THSD7A: variants seen among roughly 807,000 people sequenced by gnomAD.
THSD7A encodes the protein thrombospondin type-1 domain-containing protein 7A.
Under a neutral mutation model 231.3 loss-of-function variants are expected in THSD7A, and 96 were observed. The ratio of observed to expected loss-of-function variants is 0.41; its 90% confidence interval spans 0.35 to 0.49. The LOEUF is 0.49. Among genes scored for constraint, THSD7A ranks in the 20% least tolerant of loss-of-function variants. The pLI, the probability that THSD7A is intolerant of heterozygous loss-of-function variation, is 0.05. For missense variants in THSD7A, 2,290 were observed against 2,070.2 expected (o/e 1.11, Z -2.06); for synonymous variants, 940 against 743.3 (o/e 1.26, Z -4.30).
chr7:11,611,817 C>A (rs1182342961), intron 2 of THSD7A, among the ~76,000 whole-genome samples: 3 of 149,754 alleles, frequency 2.0e-5, no homozygotes, highest in Admixed American at 2.0e-4. Flanking sequence ...CACACACACA[C>A]ACACACACAC....
chr7:11,579,601 G>C lies in THSD7A; in HGVS notation c.1453+10859C>G, dbSNP rs113623249. Reference sequence around the variant, plus strand: ...ACTGCTATGTCTTCTTTCCATCTCAGGTTACAGGTATGAAGTAAGATGAAA... The same window carrying C: ...ACTGCTATGTCTTCTTTCCATCTCACGTTACAGGTATGAAGTAAGATGAAA... On this transcript the variant is annotated intron_variant, in intron 4 of 27. Transcript: ENST00000423059. Among the ~76,000 whole-genome samples, 9 of 152,184 alleles carry C rather than the reference G, an allele frequency of 5.9e-5. 1 individual carries two copies. Among genetic ancestry groups the C allele is most frequent in the African/African-American group, 2.2e-4 (9 of 41,510 alleles).
Position 11,688,807 on chromosome 7 carries a change from T to C in THSD7A, c.191-51846A>G, listed in dbSNP as rs1458720400. 2.0e-4 allele frequency among the ~76,000 whole-genome samples: 30 copies of C among 151,788 alleles called. 1 individual carries two copies. The highest frequency in any genetic ancestry group is 2.0e-3 in the Admixed American group (30 of 15,184). ...ATTGTTGGGCTGCATTTCATCAAGTTCACTACTCTGCACTCATCTTGCATT... is the reference window on the plus strand; with the variant it reads ...ATTGTTGGGCTGCATTTCATCAAGTCCACTACTCTGCACTCATCTTGCATT... On this transcript the variant is annotated intron_variant, in intron 1 of 27. Coordinates refer to ENST00000423059, the MANE Select transcript of THSD7A (RefSeq NM_015204.3).
intron 23 of THSD7A, among the ~76,000 whole-genome samples, chr7:11,395,332 G>A (rs974619255): frequency 1.3e-5 from 2 of 152,122 alleles, no homozygotes; most frequent in African/African-American, 4.8e-5. Context: ...CAAGCCCTTA[G>A]AGACCTACAA....
At chr7:11,519,460 C>G (rs1391132196) in intron 6 of THSD7A, among the ~76,000 whole-genome samples, 1 of 152,190 alleles carries the variant, frequency 6.6e-6, no homozygotes, top group Non-Finnish European at 1.5e-5. Context: ...AGCCATTGGT[C>G]AGAACTATGT....
intron 1 of THSD7A, among the ~76,000 whole-genome samples, chr7:11,798,270 G>C (rs918550861): frequency 3.9e-5 from 6 of 152,082 alleles, no homozygotes; most frequent in African/African-American, 1.2e-4. Context: ...AAGAGTTCAA[G>C]ACCAGCCTGG....
At chr7:11,394,110 C>G (rs550032930) in intron 23 of THSD7A, among the ~76,000 whole-genome samples, 1 of 152,250 alleles carries the variant, frequency 6.6e-6, no homozygotes, top group African/African-American at 2.4e-5. Flanking sequence ...TTAAGGGCAG[C>G]CAGATAGAAA....
intron 1 of THSD7A, among the ~76,000 whole-genome samples, chr7:11,656,378 C>T (rs1220924088): frequency 6.6e-6 from 1 of 151,790 alleles, no homozygotes; most frequent in Non-Finnish European, 1.5e-5. Context: ...CATTCACTAC[C>T]AAATGCTCAT....
chr7:11,635,637 A>G (rs1029631385), intron 2 of THSD7A, among the ~76,000 whole-genome samples: 3 of 152,158 alleles, frequency 2.0e-5, no homozygotes, highest in African/African-American at 7.2e-5. Flanking sequence ...TCCATTATAT[A>G]CAATGTGCAA....
At chr7:11,513,037 T>C (rs1301218994) in intron 6 of THSD7A, among the ~76,000 whole-genome samples, 1 of 149,964 alleles carries the variant, frequency 6.7e-6, no homozygotes, top group African/African-American at 2.5e-5. Context: ...AGACTATTAT[T>C]CTGAGTGAAG....
At chr7:11,688,312 G>A (rs1262182233) in intron 1 of THSD7A, among the ~76,000 whole-genome samples, 6 of 151,810 alleles carry the variant, frequency 4.0e-5, no homozygotes, top group Middle Eastern at 3.4e-3. Flanking sequence ...ATGCCTGGGC[G>A]TCACCCAAGA....
intron 3 of THSD7A, among the ~76,000 whole-genome samples, chr7:11,592,105 T>C (rs914641839): frequency 6.6e-6 from 1 of 152,174 alleles, no homozygotes; most frequent in African/African-American, 2.4e-5. Flanking sequence ...GCAACTTCCT[T>C]GAGCCTATTA....
intron 1 of THSD7A, among the ~76,000 whole-genome samples, chr7:11,669,290 C>T (rs1257412790): frequency 1.3e-5 from 2 of 152,040 alleles, no homozygotes; most frequent in South Asian, 2.1e-4. Context: ...GTTAAAGAGA[C>T]ATACTGTATT....
rs1452801451 is a variant in THSD7A at position 11,636,565 on chromosome 7, A to G, written c.587T>C (p.Ile196Thr). Residue 196 changes from isoleucine to threonine, a missense_variant, in exon 2 of 28, where the codon ATC becomes ACC. Transcript: ENST00000423059. This position sits in a 1 kb window ranked among gnomAD's most constrained non-coding sequence, Gnocchi z 10.0. ...ACLIPCQQDCIVSEFSAWSEC... is the reference protein window; with the variant it reads ...ACLIPCQQDCTVSEFSAWSEC... ...GGACCAGGCAGAAAATTCAGACACGATGCAATCTTGCTGGCAAGGAATGAG... is the reference window on the plus strand; with the variant it reads ...GGACCAGGCAGAAAATTCAGACACGGTGCAATCTTGCTGGCAAGGAATGAG... 3 of 1,613,950 alleles carry G rather than the reference A, an allele frequency of 1.9e-6. No homozygotes were observed. In the East Asian group the frequency reaches 6.7e-5, roughly 36 times the overall value.
intron 6 of THSD7A, among the ~76,000 whole-genome samples, chr7:11,489,599 T>C (rs754949935): frequency 2.0e-5 from 3 of 152,032 alleles, no homozygotes; most frequent in Non-Finnish European, 2.9e-5. Context: ...TAGGCATTAA[T>C]TGGCAAACAC....
rs1010487443 is a variant in THSD7A, at chr7:11,412,515, A to G, written c.3682+141T>C. The G allele has an allele frequency of 1.2e-5, 12 of 986,270 alleles. No individual in the cohort carries two copies. The South Asian group carries it at 2.3e-4, about 19-fold the overall frequency. The allele number at this position is 986,270 out of a possible 1,614,324, so 61.1% of individuals were successfully genotyped here. On this transcript the variant is annotated intron_variant, in intron 18 of 27. Coordinates refer to ENST00000423059, the MANE Select transcript of THSD7A (RefSeq NM_015204.3). ...ACCCAGATAAGTATTTCTGTCATTT[A>G]ATATGTAATTATTTCTGGGAAAGTA...
At chr7:11,451,647 G>A (rs1187912757) in intron 11 of THSD7A, among the ~76,000 whole-genome samples, 4 of 151,980 alleles carry the variant, frequency 2.6e-5, no homozygotes, top group Non-Finnish European at 5.9e-5. Flanking sequence ...TGAGTTTCAA[G>A]CTATGTTTTA....
At chr7:11,591,729 G>C (rs1780172805) in intron 3 of THSD7A, among the ~76,000 whole-genome samples, 1 of 152,174 alleles carries the variant, frequency 6.6e-6, no homozygotes, top group African/African-American at 2.4e-5. Context: ...TATAAAGGAA[G>C]TGCAGCACTC....
chr7:11,508,576 C>T (rs778605355), intron 6 of THSD7A, among the ~76,000 whole-genome samples: 5 of 152,166 alleles, frequency 3.3e-5, no homozygotes, highest in Non-Finnish European at 7.4e-5. Context: ...CTACATGATG[C>T]TGTAACCCCA....
At chr7:11,785,774 G>A (rs1326629823) in intron 1 of THSD7A, among the ~76,000 whole-genome samples, 3 of 152,018 alleles carry the variant, frequency 2.0e-5, no homozygotes, top group Non-Finnish European at 4.4e-5. Flanking sequence ...TACAAACATT[G>A]AAAATATCCT....
Sources: allele counts gnomAD v4.1 joint callset (sites outside exome capture counted in the v4.1 genomes callset), GRCh38; gene constraint gnomAD v4.1.1; non-coding constraint Gnocchi (gnomAD v3.1); transcripts MANE v1.5; gene names NCBI Gene and HGNC (gene_info 2026-07-23, HGNC 2026-07-21).